ZNF385B: variants seen among roughly 807,000 people sequenced by gnomAD.
ZNF385B encodes zinc finger protein 533.
Under a neutral mutation model 39.2 loss-of-function variants are expected in ZNF385B, and 23 were observed. The observed-to-expected ratio is 0.59, with a 90% CI of 0.42 to 0.83. The LOEUF is 0.83. Among genes scored for constraint, ZNF385B ranks in the 40% least tolerant of loss-of-function variants. The pLI is 0.00. For synonymous variants in ZNF385B, 205 were observed against 222.6 expected (o/e 0.92, Z 0.70); for missense variants, 552 against 598.9 (o/e 0.92, Z 0.82).
At chr2:179,692,584 A>C (rs1348996580) in intron 3 of ZNF385B, among the ~76,000 whole-genome samples, 1 of 152,196 alleles carries the variant, frequency 6.6e-6, no homozygotes, top group Non-Finnish European at 1.5e-5. Flanking sequence ...ACGTTTCACA[A>C]AGTGCTTTCA....
At chr2:179,615,721 T>C (rs544394433) in intron 3 of ZNF385B, among the ~76,000 whole-genome samples, 30 of 152,306 alleles carry the variant, frequency 2.0e-4, no homozygotes, top group Non-Finnish European at 3.8e-4. Flanking sequence ...GAGGTACTTA[T>C]TGAAAATACA....
chr2:179,543,945 G>A (rs2060075054), intron 4 of ZNF385B, among the ~76,000 whole-genome samples: 1 of 152,138 alleles, frequency 6.6e-6, no homozygotes, highest in African/African-American at 2.4e-5. Flanking sequence ...GTCTGGTGGT[G>A]TTGATAATGC....
intron 3 of ZNF385B, among the ~76,000 whole-genome samples, chr2:179,691,857 AT>A (rs1000171650): frequency 2.6e-5 from 4 of 152,060 alleles, no homozygotes; most frequent in African/African-American, 9.7e-5. Flanking sequence ...TTTTAAAAAA[AT>A]ATTTTTAAAA....
chr2:179,675,094 T>C (rs558291451), intron 3 of ZNF385B, among the ~76,000 whole-genome samples: 2 of 152,338 alleles, frequency 1.3e-5, no homozygotes, highest in Admixed American at 1.3e-4. Flanking sequence ...TAGTCTACTG[T>C]TGACCAAAAG....
intron 6 of ZNF385B, among the ~76,000 whole-genome samples, chr2:179,473,490 C>T (rs766186996): frequency 2.0e-4 from 31 of 152,094 alleles, no homozygotes; most frequent in Non-Finnish European, 1.2e-4. Context: ...TTAATCCTTA[C>T]AACAATCCTA....
At chr2:179,564,147 A>G (rs1270227371) in intron 3 of ZNF385B, among the ~76,000 whole-genome samples, 2 of 152,174 alleles carry the variant, frequency 1.3e-5, no homozygotes, top group African/African-American at 4.8e-5. Flanking sequence ...ACAGAATCAT[A>G]AACACTGGGG....
chr2:179,756,916 C>T (rs1031875000), intron 3 of ZNF385B, among the ~76,000 whole-genome samples: 6 of 152,136 alleles, frequency 3.9e-5, no homozygotes, highest in African/African-American at 1.4e-4. Context: ...GAACTTTCTC[C>T]TTTAGCTCCG....
intron 4 of ZNF385B, among the ~76,000 whole-genome samples, chr2:179,520,915 A>G (rs549617533): frequency 6.6e-6 from 1 of 152,284 alleles, no homozygotes; most frequent in Non-Finnish European, 1.5e-5. Flanking sequence ...CTTTCCTATT[A>G]CTCCTTTCAA....
At position 179,767,211 on chromosome 2, in the gene ZNF385B, C is replaced by T. The variant is rs185822852; in HGVS notation, c.298+2292G>A. Among the ~76,000 whole-genome samples, 313 of 152,268 alleles carry T rather than the reference C, an allele frequency of 2.1e-3. 4 individuals carry two copies. Among genetic ancestry groups the T allele is most frequent in the Non-Finnish European group, 3.5e-3 (238 of 68,024 alleles). On this transcript the variant is annotated intron_variant, in intron 3 of 9. Transcript: ENST00000410066. Reference sequence around the variant, plus strand: ...TGCCTAAGGGACAATCTGGGGGATCCCTTCATCCACAGGGTCTGTTAAGAC... The same window carrying T: ...TGCCTAAGGGACAATCTGGGGGATCTCTTCATCCACAGGGTCTGTTAAGAC...
chr2:179,750,812 G>A (rs1401400131), intron 3 of ZNF385B, among the ~76,000 whole-genome samples: 1 of 152,050 alleles, frequency 6.6e-6, no homozygotes, highest in East Asian at 1.9e-4. Context: ...CTTACTGGTA[G>A]AAACGCAATG....
chr2:179,588,111 C>T (rs1687237370), intron 3 of ZNF385B, among the ~76,000 whole-genome samples: 1 of 152,028 alleles, frequency 6.6e-6, no homozygotes, highest in African/African-American at 2.4e-5. Flanking sequence ...CCCCCCAAGA[C>T]AGAGTCTCGC....
intron 6 of ZNF385B, among the ~76,000 whole-genome samples, chr2:179,467,971 T>C (rs1174921509): frequency 6.6e-6 from 1 of 152,232 alleles, no homozygotes; most frequent in Admixed American, 6.5e-5. Context: ...GTCACTGCTC[T>C]TTCCATTTGA....
chr2:179,501,603 A>G (rs1050859595), intron 5 of ZNF385B, among the ~76,000 whole-genome samples: 7 of 152,142 alleles, frequency 4.6e-5, no homozygotes, highest in African/African-American at 1.7e-4. Flanking sequence ...GAGCTGGGAG[A>G]GAGGTGAGGG....
At chr2:179,745,090 C>T (rs1702299438) in intron 3 of ZNF385B, among the ~76,000 whole-genome samples, 1 of 152,136 alleles carries the variant, frequency 6.6e-6, no homozygotes, top group Admixed American at 6.5e-5. Context: ...AATAAGAACA[C>T]ACTTCATGAA....
rs189571163 is a variant in ZNF385B at position 179,504,660 on chromosome 2, G to A, written c.552+13868C>T. Among the ~76,000 whole-genome samples, 190 of 151,882 alleles carry A rather than the reference G, an allele frequency of 1.3e-3. 3 individuals are homozygous for A. The highest frequency in any genetic ancestry group is 4.4e-3 in the African/African-American group (180 of 41,226). ...GAGCATTTTTTCAGGGCCTGTTGTGGGGTGGGGAGAGGGGGGAGGGATAGC... is the reference window on the plus strand; with the variant it reads ...GAGCATTTTTTCAGGGCCTGTTGTGAGGTGGGGAGAGGGGGGAGGGATAGC... On this transcript the variant is annotated intron_variant, in intron 5 of 9. Transcript: ENST00000410066.
chr2:179,682,771 G>C (rs192872157), intron 3 of ZNF385B, among the ~76,000 whole-genome samples: 7,216 of 144,942 alleles, frequency 0.05, 198 homozygotes, highest in Middle Eastern at 0.062. Flanking sequence ...TACACACACA[G>C]ACATTTTTTA....
intron 1 of ZNF385B, among the ~76,000 whole-genome samples, chr2:179,809,383 T>C (rs971282329): frequency 1.3e-5 from 2 of 152,190 alleles, no homozygotes; most frequent in Non-Finnish European, 2.9e-5. Context: ...GCTTATTCTA[T>C]TTTGTATATC....
At chr2:179,725,486 A>G (rs1700946304) in intron 3 of ZNF385B, among the ~76,000 whole-genome samples, 1 of 151,872 alleles carries the variant, frequency 6.6e-6, no homozygotes, top group South Asian at 2.1e-4. Flanking sequence ...AGATATATAA[A>G]TGTCATATAT....
At position 179,490,316 on chromosome 2, in the gene ZNF385B, AACAC is replaced by A. The variant is rs143318849; in HGVS notation, c.553-6886_553-6883del. Reference sequence around the variant, plus strand: ...TGAATATATGAGCATTACACACACAAACACACACACACACACACACACATATATA... The same window carrying A: ...TGAATATATGAGCATTACACACACAAACACACACACACACACACATATATA... On this transcript the variant is annotated intron_variant, in intron 5 of 9. Transcript: ENST00000410066. Among the ~76,000 whole-genome samples the A allele has an allele frequency of 2.6e-3, 390 of 150,046 alleles. 1 individual carries two copies. The highest frequency in any genetic ancestry group is 0.01 in the South Asian group (49 of 4,730).
Sources: allele counts gnomAD v4.1 joint callset (sites outside exome capture counted in the v4.1 genomes callset), GRCh38; gene constraint gnomAD v4.1.1; transcripts MANE v1.5; gene names NCBI Gene and HGNC (gene_info 2026-07-23, HGNC 2026-07-21).